APPL1: variants seen among roughly 807,000 people sequenced by gnomAD.
The protein encoded by APPL1 is adaptor protein, phosphotyrosine interacting with PH domain and leucine zipper 1.
Under a neutral mutation model 106.8 loss-of-function variants are expected in APPL1, and 42 were observed. The observed-to-expected ratio is 0.39, with a 90% confidence interval of 0.31 to 0.51. The LOEUF (loss-of-function observed/expected upper bound fraction) is 0.51, where lower values mean the gene tolerates loss of function less well. APPL1 is among the 20% of genes least tolerant of loss of function. The pLI is 0.75. For missense variants in APPL1, 769 were observed against 858.2 expected, an observed-to-expected ratio of 0.90 and a Z score of 1.30; for synonymous variants, 263 against 281.8, an observed-to-expected ratio of 0.93 and a Z score of 0.67.
chr3:57,261,257 A>G (rs1268345487), intron 19 of APPL1, among the ~76,000 whole-genome samples: 2 of 152,182 alleles, frequency 1.3e-5, no homozygotes, highest in East Asian at 1.9e-4. Flanking sequence ...AATGACTTCT[A>G]GTTCCATCCA....
intron 7 of APPL1, among the ~76,000 whole-genome samples, chr3:57,244,510 A>C (rs1166571085): frequency 1.3e-5 from 2 of 152,172 alleles, no homozygotes; most frequent in African/African-American, 4.8e-5. Context: ...AGTGGATAAC[A>C]CCAGTTTGGA....
intron 19 of APPL1, among the ~76,000 whole-genome samples, chr3:57,265,544 C>A (rs1206396488): frequency 6.6e-6 from 1 of 151,972 alleles, no homozygotes; most frequent in Non-Finnish European, 1.5e-5. Context: ...TTATTTATTT[C>A]TTTTTCAGAT....
chr3:57,253,028 T>C (rs959626943), intron 12 of APPL1, among the ~76,000 whole-genome samples: 3 of 152,228 alleles, frequency 2.0e-5, no homozygotes, highest in African/African-American at 7.2e-5. Context: ...TTTTAGTCTC[T>C]GAGGAACACA....
At position 57,256,941 on chromosome 3, in the gene APPL1, A is replaced by G; in HGVS notation, c.1153-16A>G. 6.2e-7 allele frequency: 1 copy of G among 1,608,182 alleles called. No individual in the cohort carries two copies. The highest frequency in any genetic ancestry group is 1.1e-5 in the South Asian group (1 of 90,682). On this transcript the variant is annotated splice_polypyrimidine_tract_variant and intron_variant, in intron 13 of 21. Coordinates refer to ENST00000288266, the MANE Select transcript of APPL1 (RefSeq NM_012096.3). ...ACTTTACTAATATTAGTCCTTTTTT[A>G]AAAAAATTGAAATAGGAAACTGCTG... is the stretch of plus-strand genomic sequence containing the variant.
intron 13 of APPL1, among the ~76,000 whole-genome samples, chr3:57,255,001 A>G (rs1415118985): frequency 6.6e-6 from 1 of 152,242 alleles, no homozygotes; most frequent in Non-Finnish European, 1.5e-5. Flanking sequence ...TAAAATGCGT[A>G]ATATGATTCA....
rs191719124 is a variant in APPL1 at position 57,235,124 on chromosome 3, G to T, written c.55-442G>T. Among the ~76,000 whole-genome samples, 4 of 152,280 alleles carry T rather than the reference G, an allele frequency of 2.6e-5. No individual in the cohort carries two copies. In the East Asian group the frequency reaches 7.7e-4, roughly 29 times the overall value. Reference sequence around the variant, plus strand: ...TGAAGAGTCGGCCATGTTGGGGAGGGTGTACTGTGGTATTTTTAGATTAGG... The same window carrying T: ...TGAAGAGTCGGCCATGTTGGGGAGGTTGTACTGTGGTATTTTTAGATTAGG... On this transcript the variant is annotated intron_variant, in intron 1 of 21. Transcript: ENST00000288266.
intron 8 of APPL1, 21 bp downstream of exon 8, chr3:57,246,243 G>A: frequency 1.3e-6 from 2 of 1,501,554 alleles, no homozygotes; most frequent in Non-Finnish European, 1.8e-6. Context: ...TACTGTATTT[G>A]GATTATAACT....
intron 19 of APPL1, among the ~76,000 whole-genome samples, chr3:57,264,012 G>A (rs1291558082): frequency 1.3e-5 from 2 of 152,112 alleles, no homozygotes; most frequent in Non-Finnish European, 2.9e-5. Flanking sequence ...CACCAACAGT[G>A]TACAAGGGTT....
At chr3:57,248,609 C>G (rs1313679560) in intron 10 of APPL1, among the ~76,000 whole-genome samples, 1 of 152,188 alleles carries the variant, frequency 6.6e-6, no homozygotes, top group East Asian at 1.9e-4. Context: ...GTGGCTCACG[C>G]CTGTGATCCC....
chr3:57,264,569 AAAAT>A (rs1460269977), intron 19 of APPL1, among the ~76,000 whole-genome samples: 1 of 146,524 alleles, frequency 6.8e-6, no homozygotes, highest in Non-Finnish European at 1.5e-5. Flanking sequence ...AATTTAAAAA[AAAAT>A]AAAAAAAATA....
At chr3:57,231,683 C>T in intron 1 of APPL1, among the ~76,000 whole-genome samples, 1 of 151,820 alleles carries the variant, frequency 6.6e-6, no homozygotes, top group Non-Finnish European at 1.5e-5. Context: ...TGGCATGCAC[C>T]TGTAGTCCCA....
At chr3:57,244,624 G>A (rs909766573) in intron 7 of APPL1, among the ~76,000 whole-genome samples, 1 of 152,202 alleles carries the variant, frequency 6.6e-6, no homozygotes, top group African/African-American at 2.4e-5. Flanking sequence ...TAAAGGAAAT[G>A]TTAGGAGATA....
intron 19 of APPL1, among the ~76,000 whole-genome samples, chr3:57,266,852 C>T (rs2060897075): frequency 6.6e-6 from 1 of 152,128 alleles, no homozygotes; most frequent in Admixed American, 6.5e-5. Context: ...AGAGGATATC[C>T]CTTCCCCAGT....
intron 5 of APPL1, among the ~76,000 whole-genome samples, chr3:57,241,671 T>C (rs1296585070): frequency 2.0e-5 from 3 of 152,204 alleles, no homozygotes; most frequent in African/African-American, 4.8e-5. Context: ...TCCTCAAGAA[T>C]GGTCATTTCT....
intron 13 of APPL1, among the ~76,000 whole-genome samples, chr3:57,255,787 C>CA (rs1290876468): frequency 6.6e-6 from 1 of 152,038 alleles, no homozygotes; most frequent in Non-Finnish European, 1.5e-5. Flanking sequence ...TTGGGAACAA[C>CA]AAAAAATACC....
chr3:57,236,330 C>CTTT (rs1359304100), intron 2 of APPL1, among the ~76,000 whole-genome samples: 1 of 133,830 alleles, frequency 7.5e-6, no homozygotes, highest in Non-Finnish European at 1.6e-5. Context: ...ACCCAGCCCC[C>CTTT]TTTTTTTTTT....
intron 5 of APPL1, among the ~76,000 whole-genome samples, chr3:57,241,261 A>G (rs1480906688): frequency 6.6e-6 from 1 of 152,156 alleles, no homozygotes; most frequent in African/African-American, 2.4e-5. Context: ...GGATAGTGGC[A>G]CAGGGTATAG....
intron 4 of APPL1, among the ~76,000 whole-genome samples, chr3:57,239,634 T>C (rs1206254500): frequency 2.0e-5 from 3 of 152,216 alleles, no homozygotes; most frequent in Non-Finnish European, 4.4e-5. Flanking sequence ...ATATACAAGA[T>C]TGTTTTTTTT....
intron 11 of APPL1, among the ~76,000 whole-genome samples, chr3:57,249,766 T>C (rs531313243): frequency 6.6e-6 from 1 of 152,282 alleles, no homozygotes; most frequent in East Asian, 1.9e-4. Context: ...TGTCATATAG[T>C]AAAGACCTGT....
Sources: gnomAD v4.1 joint callset for allele counts (sites outside exome capture counted in the v4.1 genomes callset) on GRCh38, gnomAD v4.1.1 for gene constraint, MANE v1.5 for transcripts, NCBI Gene and HGNC (gene_info 2026-07-23, HGNC 2026-07-21) for gene names.